Variants in PRKN observed in about 807,000 individuals in gnomAD.
PRKN encodes the protein E3 ubiquitin-protein ligase parkin.
Under a neutral mutation model 59.5 loss-of-function variants are expected in PRKN, and 56 were observed. The observed-to-expected ratio is 0.94, with a 90% CI of 0.76 to 1.18. The LOEUF is 1.18. Ranked by LOEUF, PRKN falls within the 50% of genes most tolerant of loss-of-function variation. The pLI is 0.00. For missense variants in PRKN, 657 were observed against 596.4 expected (o/e 1.10, Z -1.06); for synonymous variants, 250 against 222.1 (o/e 1.13, Z -1.12).
rs1782552854 is a variant in PRKN, at chr6:162,619,154, T to C, written c.7+108508A>G. ...AATCCAGTATTTTTCCTTTTTTTTT[T>C]TTTTTTTGAGATGGAGTCTCTCTCT... is the stretch of plus-strand genomic sequence containing the variant. On this transcript the variant is annotated intron_variant, in intron 1 of 11. Transcript: ENST00000366898. 2.6e-5 allele frequency among the ~76,000 whole-genome samples: 4 copies of C among 151,216 alleles called. No individual in the cohort carries two copies. The South Asian group carries it at 8.4e-4, about 32-fold the overall frequency.
chr6:162,645,638 C>T (rs2128225445), intron 1 of PRKN, among the ~76,000 whole-genome samples: 1 of 152,222 alleles, frequency 6.6e-6, no homozygotes, highest in East Asian at 1.9e-4. Flanking sequence ...TTTTGAAATA[C>T]TCAAAAATTG....
At chr6:162,717,632 T>C (rs2128239866) in intron 1 of PRKN, among the ~76,000 whole-genome samples, 1 of 151,490 alleles carries the variant, frequency 6.6e-6, no homozygotes, top group South Asian at 2.1e-4. Context: ...AATAAATTTG[T>C]GTTTAAAAGT....
intron 4 of PRKN, among the ~76,000 whole-genome samples, chr6:162,058,052 A>C (rs1777936887): frequency 6.6e-6 from 1 of 152,164 alleles, no homozygotes; most frequent in South Asian, 2.1e-4. Flanking sequence ...GTTTCTCTGT[A>C]GGTTGTGATT....
At chr6:162,289,660 C>A (rs1781338513) in intron 2 of PRKN, among the ~76,000 whole-genome samples, 1 of 150,580 alleles carries the variant, frequency 6.6e-6, no homozygotes, top group Non-Finnish European at 1.5e-5. Flanking sequence ...TAACTCTAGC[C>A]TCAGCCAACA....
In PRKN at chr6:162,312,964, T is replaced by A. The variant is rs181689501; in HGVS notation, c.172-50199A>T. On this transcript the variant is annotated intron_variant, in intron 2 of 11. Transcript: ENST00000366898. Reference sequence around the variant, plus strand: ...AGAAGAAAATATAATTTGAAGGATTTTCTTTAATCTAGATGATATCACATA... The same window carrying A: ...AGAAGAAAATATAATTTGAAGGATTATCTTTAATCTAGATGATATCACATA... Among the ~76,000 whole-genome samples, 3 of 152,288 alleles carry A rather than the reference T, an allele frequency of 2.0e-5. No homozygotes were observed. The East Asian group carries it at 5.8e-4, about 29-fold the overall frequency.
chr6:161,451,130 G>A lies in PRKN; in HGVS notation c.1084-64253C>T, dbSNP rs1450009234. 1.3e-5 allele frequency among the ~76,000 whole-genome samples: 2 copies of A among 152,084 alleles called. No homozygotes were observed. Among genetic ancestry groups the A allele is most frequent in the Admixed American group, 6.6e-5 (1 of 15,264 alleles). ...GGCAAGGGGCTAACTTCTGCATGAC[G>A]TGTTTCCATGTTATTTCTCTTAGGT... On this transcript the variant is annotated intron_variant, in intron 9 of 11. Coordinates refer to ENST00000366898, the MANE Select transcript of PRKN (RefSeq NM_004562.3). This position sits in a 1 kb window ranked among gnomAD's most constrained non-coding sequence, Gnocchi z 5.9.
At chr6:162,066,558 A>G (rs1464667056) in intron 4 of PRKN, among the ~76,000 whole-genome samples, 1 of 152,150 alleles carries the variant, frequency 6.6e-6, no homozygotes. Context: ...AATACCCCTA[A>G]GAAAGGAGCT....
At chr6:162,205,011 C>T (rs1424036507) in intron 3 of PRKN, among the ~76,000 whole-genome samples, 1 of 151,902 alleles carries the variant, frequency 6.6e-6, no homozygotes, top group Admixed American at 6.6e-5. Flanking sequence ...TACAGGCGTG[C>T]ACCACCACAC....
chr6:161,597,201 T>A (rs1008405168), intron 7 of PRKN, among the ~76,000 whole-genome samples: 1 of 152,158 alleles, frequency 6.6e-6, no homozygotes, highest in Non-Finnish European at 1.5e-5. Context: ...AGCCCAGGGC[T>A]TCACAGAAGT....
At chr6:162,537,326 C>T (rs951558948) in intron 1 of PRKN, among the ~76,000 whole-genome samples, 2 of 152,200 alleles carry the variant, frequency 1.3e-5, no homozygotes, top group South Asian at 2.1e-4. Flanking sequence ...CACCTCACTC[C>T]GTAGCCTAAA....
chr6:161,933,903 T>C (rs536271981), intron 6 of PRKN, among the ~76,000 whole-genome samples: 3 of 152,230 alleles, frequency 2.0e-5, no homozygotes, highest in Non-Finnish European at 2.9e-5. Context: ...GGACCACACT[T>C]TGTCCTAAAG....
intron 4 of PRKN, among the ~76,000 whole-genome samples, chr6:162,134,800 A>C (rs1000731049): frequency 1.3e-5 from 2 of 152,170 alleles, no homozygotes; most frequent in African/African-American, 4.8e-5. Context: ...ATGTCAGCTC[A>C]TTCTTCTGGT....
chr6:162,511,303 C>A (rs1472422675), intron 1 of PRKN, among the ~76,000 whole-genome samples: 1 of 151,762 alleles, frequency 6.6e-6, no homozygotes, highest in Non-Finnish European at 1.5e-5. Flanking sequence ...ATTGAAATGG[C>A]AACATGAAAT....
intron 4 of PRKN, among the ~76,000 whole-genome samples, chr6:162,066,368 A>G (rs996218357): frequency 2.0e-5 from 3 of 152,192 alleles, no homozygotes; most frequent in African/African-American, 7.2e-5. Flanking sequence ...AAGGAAACAC[A>G]TATTAGCTGT....
chr6:162,686,569 G>A (rs1352531029), intron 1 of PRKN, among the ~76,000 whole-genome samples: 2 of 152,112 alleles, frequency 1.3e-5, no homozygotes, highest in African/African-American at 4.8e-5. Context: ...CATCAAAAAG[G>A]AACTAATAAA....
At chr6:161,510,706 TTA>T (rs1778353110) in intron 9 of PRKN, among the ~76,000 whole-genome samples, 1 of 152,172 alleles carries the variant, frequency 6.6e-6, no homozygotes, top group African/African-American at 2.4e-5. Flanking sequence ...CCAGCAGAAG[TTA>T]TGTTTTTGCT....
At position 161,566,908 on chromosome 6, in the gene PRKN, A is replaced by C. The variant is rs527308305; in HGVS notation, c.933+2447T>G. On this transcript the variant is annotated intron_variant, in intron 8 of 11. Coordinates refer to ENST00000366898, the MANE Select transcript of PRKN (RefSeq NM_004562.3). This position sits in a 1 kb window ranked among gnomAD's most constrained non-coding sequence, Gnocchi z 4.1. ...GAAATCTCCTTTCCCAGATGTCACC[A>C]TGAGGCTTCTCTGGATACCTTTCAG... Among the ~76,000 whole-genome samples, 20 of 151,968 alleles carry C rather than the reference A, an allele frequency of 1.3e-4. No individual in the cohort carries two copies. The South Asian group carries it at 3.8e-3, about 29-fold the overall frequency.
At chr6:161,610,291 G>A (rs1201269566) in intron 7 of PRKN, among the ~76,000 whole-genome samples, 2 of 152,000 alleles carry the variant, frequency 1.3e-5, no homozygotes, top group African/African-American at 2.4e-5. Context: ...GGATGTCCGC[G>A]AGCTGCTTCT....
At chr6:161,514,673 T>C (rs1583175640) in intron 9 of PRKN, among the ~76,000 whole-genome samples, 1 of 151,868 alleles carries the variant, frequency 6.6e-6, no homozygotes, top group Non-Finnish European at 1.5e-5. Context: ...TAGAGGCTGG[T>C]ATCTGGGACC....
Sources: gnomAD v4.1 joint callset for allele counts (sites outside exome capture counted in the v4.1 genomes callset) on GRCh38, gnomAD v4.1.1 for gene constraint, Gnocchi (gnomAD v3.1) non-coding constraint, MANE v1.5 for transcripts, NCBI Gene and HGNC (gene_info 2026-07-23, HGNC 2026-07-21) for gene names.